The following NBDY variants were observed in gnomAD, a reference collection of about 807,000 sequenced individuals.
NBDY encodes the protein negative regulator of P-body association.
intron 2 of NBDY, among the ~76,000 whole-genome samples, chrX:56,755,821 G>A (rs928115370): frequency 4.6e-5 from 5 of 108,053 alleles, no homozygotes; most frequent in Admixed American, 4.0e-4. Flanking sequence ...AAATCATGCC[G>A]CTATAAAGAC....
intron 2 of NBDY, among the ~76,000 whole-genome samples, chrX:56,800,411 G>T (rs1347374133): frequency 2.7e-5 from 3 of 111,331 alleles, no homozygotes; most frequent in Non-Finnish European, 5.7e-5. Flanking sequence ...TTTCTGTCTG[G>T]CTTCCCAGTA....
At chrX:56,787,269 A>G (rs2069734348) in intron 2 of NBDY, among the ~76,000 whole-genome samples, 1 of 110,707 alleles carries the variant, frequency 9.0e-6, no homozygotes, top group Non-Finnish European at 1.9e-5. Context: ...ATGCACACAC[A>G]GACACAAACA....
chrX:56,748,268 A>C (rs1437732995), intron 2 of NBDY, among the ~76,000 whole-genome samples: 1 of 111,818 alleles, frequency 8.9e-6, no homozygotes, highest in African/African-American at 3.3e-5. Flanking sequence ...ATGGGATGTC[A>C]AGGGAAACAG....
intron 2 of NBDY, among the ~76,000 whole-genome samples, chrX:56,799,620 G>A (rs2069811898): frequency 8.8e-6 from 1 of 113,442 alleles, no homozygotes; most frequent in Non-Finnish European, 1.9e-5. Context: ...AAGAAGGCAA[G>A]TGTCCTTGTA....
At chrX:56,809,509 A>G (rs1207519370) in intron 2 of NBDY, among the ~76,000 whole-genome samples, 1 of 112,024 alleles carries the variant, frequency 8.9e-6, no homozygotes, top group Non-Finnish European at 1.9e-5. Flanking sequence ...CCATTATGTA[A>G]TGTCCTTCTT....
chrX:56,735,036 T>C (rs2069479791), intron 2 of NBDY, among the ~76,000 whole-genome samples: 1 of 112,097 alleles, frequency 8.9e-6, no homozygotes, highest in African/African-American at 3.2e-5. Flanking sequence ...GAATTAGCTC[T>C]GAATCACTCT....
chrX:56,784,609 G>C (rs893062635), intron 2 of NBDY, among the ~76,000 whole-genome samples: 2 of 111,809 alleles, frequency 1.8e-5, no homozygotes, highest in African/African-American at 3.3e-5. Flanking sequence ...TCCTGGGCCT[G>C]TCTTTGTTCC....
In NBDY at chrX:56,737,448, T is replaced by C. The variant is rs878979506; in HGVS notation, c.*166+5249T>C. The stretch of plus-strand genomic sequence containing the variant: ...GGAAGCCTTCTTATGGCTTCTTTTA[T>C]GTCTTCATCCTCATATATTGTATCA... On this transcript the variant is annotated intron_variant, in intron 2 of 2. Coordinates refer to ENST00000374922, the MANE Select transcript of NBDY (RefSeq NM_001348129.2). 100 of 691,986 alleles carry C rather than the reference T, an allele frequency of 1.4e-4. 1 individual carries two copies. The Middle Eastern group carries it at 3.5e-3, about 24-fold the overall frequency. The allele number at this position is 691,986 out of a possible 1,213,427, so 57.0% of individuals were successfully genotyped here.
chrX:56,738,372 A>G (rs1569283799), intron 2 of NBDY, among the ~76,000 whole-genome samples: 1 of 112,217 alleles, frequency 8.9e-6, no homozygotes, highest in Admixed American at 9.4e-5. Context: ...CCGACAGGCA[A>G]GTAAACAATT....
Position 56,732,044 on chromosome X carries a change from A to AT in NBDY, c.*30-13dup, listed in dbSNP as rs1467155984. 4 of 293,518 alleles carry AT rather than the reference A, an allele frequency of 1.4e-5. No individual in the cohort carries two copies. Among genetic ancestry groups the AT allele is most frequent in the African/African-American group, 5.5e-5 (2 of 36,223 alleles). 24.2% of individuals were successfully genotyped at this position (293,518 alleles called of 1,213,427 possible). ...AAAACAGAAAAAATGATGCCACAAT[A>AT]TTTTTTACTATTTTTCAGTCTTTGA... is the stretch of plus-strand genomic sequence containing the variant. On this transcript the variant is annotated intron_variant, in intron 1 of 2. Coordinates refer to ENST00000374922, the MANE Select transcript of NBDY (RefSeq NM_001348129.2).
intron 2 of NBDY, among the ~76,000 whole-genome samples, chrX:56,767,697 A>G (rs2069674794): frequency 8.9e-6 from 1 of 112,044 alleles, no homozygotes; most frequent in Non-Finnish European, 1.9e-5. Flanking sequence ...TTTTATAATT[A>G]TGTTTTCTCC....
chrX:56,781,074 G>C (rs1394619690), intron 2 of NBDY, among the ~76,000 whole-genome samples: 1 of 111,468 alleles, frequency 9.0e-6, no homozygotes, highest in Admixed American at 9.5e-5. Context: ...GTGAAGTAAG[G>C]AACGCAGGAA....
At chrX:56,808,187 C>T (rs765395340) in intron 2 of NBDY, among the ~76,000 whole-genome samples, 1 of 111,880 alleles carries the variant, frequency 8.9e-6, no homozygotes, top group South Asian at 3.7e-4. Context: ...GGTGGATAAG[C>T]TTTTTCAAAT....
At chrX:56,800,225 T>G (rs1253159304) in intron 2 of NBDY, among the ~76,000 whole-genome samples, 1 of 112,063 alleles carries the variant, frequency 8.9e-6, no homozygotes, top group Non-Finnish European at 1.9e-5. Context: ...ACTTTTTTCC[T>G]GTCTTCATCT....
At chrX:56,813,621 C>T (rs1014449803) in intron 2 of NBDY, among the ~76,000 whole-genome samples, 12 of 111,823 alleles carry the variant, frequency 1.1e-4, no homozygotes, top group South Asian at 3.7e-4. Context: ...CGCACATGCA[C>T]CCCCACAGGC....
chrX:56,734,528 C>A (rs761959520), intron 2 of NBDY, among the ~76,000 whole-genome samples: 2 of 112,382 alleles, frequency 1.8e-5, no homozygotes, highest in Non-Finnish European at 3.8e-5. Flanking sequence ...CTGTACAAAG[C>A]AAATTAGCAA....
At chrX:56,811,862 G>A (rs777273484) in intron 2 of NBDY, among the ~76,000 whole-genome samples, 2 of 112,051 alleles carry the variant, frequency 1.8e-5, no homozygotes, top group Non-Finnish European at 3.8e-5. Flanking sequence ...ACCCAGTTTT[G>A]TGCTAGAAAC....
intron 2 of NBDY, among the ~76,000 whole-genome samples, chrX:56,736,366 G>A (rs755496943): frequency 1.4e-3 from 162 of 112,134 alleles, no homozygotes; most frequent in African/African-American, 5.2e-3. Flanking sequence ...CCGGGGTCAA[G>A]CAATTCTCCT....
intron 2 of NBDY, among the ~76,000 whole-genome samples, chrX:56,813,171 A>G (rs888322105): frequency 9.0e-6 from 1 of 111,493 alleles, no homozygotes; most frequent in Non-Finnish European, 1.9e-5. Context: ...CATGTACCCT[A>G]GAACTTAAAG....
Sources: allele counts gnomAD v4.1 joint callset (sites outside exome capture counted in the v4.1 genomes callset), GRCh38; gene constraint gnomAD v4.1.1; transcripts MANE v1.5; gene names NCBI Gene and HGNC (gene_info 2026-07-23, HGNC 2026-07-21).